Variants in GALNT17 observed in about 807,000 individuals in gnomAD.
GALNT17 encodes the protein UDP-GalNAc:polypeptide N-acetylgalactosaminyltransferase-like 3.
Under a neutral mutation model 63.7 loss-of-function variants are expected in GALNT17, and 29 were observed. That is an observed-to-expected ratio of 0.46 (90% CI 0.34 to 0.62). GALNT17 has a LOEUF of 0.62. GALNT17 is among the 20% of genes least tolerant of loss of function. The pLI is 0.01. For missense variants in GALNT17, 603 were observed against 799.6 expected, an observed-to-expected ratio of 0.75 and a Z score of 2.97; for synonymous variants, 305 against 318.3, an observed-to-expected ratio of 0.96 and a Z score of 0.45.
intron 6 of GALNT17, among the ~76,000 whole-genome samples, chr7:71,664,430 C>T (rs181022064): frequency 2.0e-5 from 3 of 152,076 alleles, no homozygotes; most frequent in East Asian, 1.9e-4. Context: ...GGCAACATAG[C>T]GAGACCTCAT....
chr7:71,357,260 C>A (rs1563029456), intron 2 of GALNT17, among the ~76,000 whole-genome samples: 1 of 152,164 alleles, frequency 6.6e-6, no homozygotes. Flanking sequence ...GTGAGCATGA[C>A]CGCCTGAGTG....
At chr7:71,392,965 A>G (rs1793076809) in intron 3 of GALNT17, among the ~76,000 whole-genome samples, 1 of 152,200 alleles carries the variant, frequency 6.6e-6, no homozygotes, top group African/African-American at 2.4e-5. Flanking sequence ...CACTGTAATC[A>G]TGGAATTGAA....
intron 5 of GALNT17, among the ~76,000 whole-genome samples, chr7:71,552,752 C>G (rs1789102296): frequency 1.3e-5 from 2 of 152,060 alleles, no homozygotes; most frequent in Non-Finnish European, 2.9e-5. Flanking sequence ...CACCAGGTTA[C>G]TCTTAAGGGC....
chr7:71,422,620 G>A (rs1268512414), intron 5 of GALNT17, among the ~76,000 whole-genome samples: 1 of 152,216 alleles, frequency 6.6e-6, no homozygotes, highest in Non-Finnish European at 1.5e-5. Context: ...GAGCATTTTG[G>A]GGCTCCGACC....
intron 1 of GALNT17, among the ~76,000 whole-genome samples, chr7:71,154,121 G>T (rs1339236309): frequency 6.6e-6 from 1 of 152,060 alleles, no homozygotes; most frequent in Non-Finnish European, 1.5e-5. Flanking sequence ...GGGAGCCTCT[G>T]CCTGAGGGTG....
At chr7:71,625,347 T>C (rs2116978909) in intron 6 of GALNT17, among the ~76,000 whole-genome samples, 1 of 152,254 alleles carries the variant, frequency 6.6e-6, no homozygotes, top group South Asian at 2.1e-4. Context: ...GGTTTCACTA[T>C]GTTGGCCAGG....
intron 6 of GALNT17, among the ~76,000 whole-genome samples, chr7:71,593,556 G>A (rs1364172813): frequency 1.3e-5 from 2 of 152,094 alleles, no homozygotes; most frequent in African/African-American, 4.8e-5. Context: ...GAGCCACCAC[G>A]CCTGGCCCCT....
intron 5 of GALNT17, among the ~76,000 whole-genome samples, chr7:71,474,339 ATC>A (rs1231486364): frequency 6.6e-6 from 1 of 152,102 alleles, no homozygotes; most frequent in Non-Finnish European, 1.5e-5. Flanking sequence ...CTCACCTCCC[ATC>A]TCATCCTGTG....
chr7:71,218,996 A>G (rs999209646), intron 1 of GALNT17, among the ~76,000 whole-genome samples: 3 of 152,134 alleles, frequency 2.0e-5, no homozygotes, highest in Admixed American at 6.6e-5. Flanking sequence ...TCTGTGGACA[A>G]ATTATCTTCT....
At chr7:71,483,682 T>C (rs535090395) in intron 5 of GALNT17, among the ~76,000 whole-genome samples, 1 of 152,110 alleles carries the variant, frequency 6.6e-6, no homozygotes, top group East Asian at 1.9e-4. Context: ...ATTTATTCTT[T>C]TTAAAATCCC....
chr7:71,681,900 G>C (rs1462733657), intron 9 of GALNT17, among the ~76,000 whole-genome samples: 2 of 151,880 alleles, frequency 1.3e-5, no homozygotes, highest in African/African-American at 4.8e-5. Context: ...GGAAGGTTTT[G>C]TTTTTGTTTT....
chr7:71,662,202 C>A (rs1437123331), intron 6 of GALNT17, among the ~76,000 whole-genome samples: 1 of 152,062 alleles, frequency 6.6e-6, no homozygotes, highest in East Asian at 1.9e-4. Flanking sequence ...CTCTTATGCG[C>A]CTGTGTCTGT....
chr7:71,201,243 A>T lies in GALNT17; in HGVS notation c.238+68203A>T, dbSNP rs575678090. ...TATGGGGGTGTGTGTGTTTATTTTT[A>T]TATATATATATATAATTTGTGTGTG... is the stretch of plus-strand genomic sequence containing the variant. On this transcript the variant is annotated intron_variant, in intron 1 of 10. Coordinates refer to ENST00000333538, the MANE Select transcript of GALNT17 (RefSeq NM_022479.3). Among the ~76,000 whole-genome samples the T allele has an allele frequency of 5.5e-5, 8 of 145,902 alleles. No homozygotes were observed. The South Asian group carries it at 8.6e-4, about 16-fold the overall frequency.
intron 6 of GALNT17, among the ~76,000 whole-genome samples, chr7:71,637,977 A>G (rs1290246355): frequency 1.3e-5 from 2 of 152,210 alleles, no homozygotes; most frequent in Admixed American, 1.3e-4. Flanking sequence ...CTGGTTGCCC[A>G]TGTTTATGGT....
chr7:71,593,088 T>C (rs1789833586), intron 6 of GALNT17, among the ~76,000 whole-genome samples: 1 of 151,940 alleles, frequency 6.6e-6, no homozygotes, highest in Non-Finnish European at 1.5e-5. Flanking sequence ...TGGTTGAGGC[T>C]GCAGGGAGCT....
chr7:71,258,355 A>G (rs1271566005), intron 1 of GALNT17, among the ~76,000 whole-genome samples: 1 of 152,204 alleles, frequency 6.6e-6, no homozygotes, highest in Non-Finnish European at 1.5e-5. Flanking sequence ...TGCTTCATGA[A>G]ATCTTCCACG....
chr7:71,201,640 T>TC (rs1416580104), intron 1 of GALNT17, among the ~76,000 whole-genome samples: 3 of 151,574 alleles, frequency 2.0e-5, no homozygotes, highest in African/African-American at 7.3e-5. Flanking sequence ...TTTTTTTTTT[T>TC]TAGTTTTTTG....
At chr7:71,563,493 G>A (rs1789289723) in intron 5 of GALNT17, among the ~76,000 whole-genome samples, 2 of 152,224 alleles carry the variant, frequency 1.3e-5, no homozygotes, top group African/African-American at 2.4e-5. Flanking sequence ...TCGTTTATCA[G>A]TCCAGGCAGG....
intron 5 of GALNT17, among the ~76,000 whole-genome samples, chr7:71,459,527 A>T (rs962394738): frequency 6.6e-6 from 1 of 152,240 alleles, no homozygotes; most frequent in Non-Finnish European, 1.5e-5. Flanking sequence ...TGCCTTATAA[A>T]TCATAGTCTC....
Sources: gnomAD v4.1 joint callset for allele counts (sites outside exome capture counted in the v4.1 genomes callset) on GRCh38, gnomAD v4.1.1 for gene constraint, MANE v1.5 for transcripts, NCBI Gene and HGNC (gene_info 2026-07-23, HGNC 2026-07-21) for gene names.